Variants in DSG4 observed in about 807,000 individuals in gnomAD.
The protein encoded by DSG4 is desmoglein-4.
In DSG4, 87 loss-of-function variants were observed where a neutral mutation model predicts 93.1. The ratio of observed to expected loss-of-function variants is 0.93; its 90% CI spans 0.79 to 1.12. The LOEUF (loss-of-function observed/expected upper bound fraction) is 1.12, where lower values mean the gene tolerates loss of function less well. DSG4 is among the 50% of genes most tolerant of loss of function. The pLI, the probability that DSG4 is intolerant of heterozygous loss-of-function variation, is 0.00. For synonymous variants in DSG4, 432 were observed against 452.9 expected (o/e 0.95, Z 0.59); for missense variants, 1,373 against 1,285.7 (o/e 1.07, Z -1.04).
chr18:31,384,693 ATAT>A (rs2072168645), intron 1 of DSG4, among the ~76,000 whole-genome samples: 1 of 152,148 alleles, frequency 6.6e-6, no homozygotes, highest in Non-Finnish European at 1.5e-5. Context: ...TCCAGCAAAA[ATAT>A]TATTGACCGT....
intron 11 of DSG4, among the ~76,000 whole-genome samples, chr18:31,404,780 T>C (rs2144206387): frequency 6.6e-6 from 1 of 152,342 alleles, no homozygotes; most frequent in South Asian, 2.1e-4. Flanking sequence ...CAACTCTGAA[T>C]TCACCATCTC....
chr18:31,393,176 G>A (rs2072268031), intron 8 of DSG4, among the ~76,000 whole-genome samples: 1 of 152,064 alleles, frequency 6.6e-6, no homozygotes, highest in Non-Finnish European at 1.5e-5. Context: ...AACACTTATA[G>A]CCAGGAAAAT....
At chr18:31,398,591 T>C (rs2072330044) in intron 8 of DSG4, among the ~76,000 whole-genome samples, 1 of 152,232 alleles carries the variant, frequency 6.6e-6, no homozygotes, top group African/African-American at 2.4e-5. Flanking sequence ...TACTTTTTCA[T>C]TGTGACTTTT....
In DSG4 at chr18:31,399,438, C is replaced by T; in HGVS notation, c.1172C>T (p.Ala391Val). ...EGPAFHPSTM[A>V]FSVREGIKGS... ...CCTGCATTTCATCCAAGTACTATGG[C>T]TTTTAGTGTGCGGGAAGGAATAAAA... The change falls in exon 9 of 16, where the codon GCT (alanine) becomes GTT (valine). Residue 391 changes from alanine (A) to valine (V), a missense_variant. Coordinates refer to ENST00000308128, the MANE Select transcript of DSG4 (RefSeq NM_177986.5). The T allele has an allele frequency of 6.2e-7, 1 of 1,614,050 alleles. No individual in the cohort carries two copies. The highest frequency in any genetic ancestry group is 8.5e-7 in the Non-Finnish European group (1 of 1,179,960).
intron 1 of DSG4, among the ~76,000 whole-genome samples, chr18:31,380,306 C>A (rs1157324655): frequency 6.6e-6 from 1 of 152,102 alleles, no homozygotes; most frequent in Admixed American, 6.6e-5. Context: ...CTTCTGGATC[C>A]TGAGTACGTA....
At chr18:31,388,247 G>T in intron 3 of DSG4, 120 bp from the exon 4 acceptor site, 1 of 1,116,304 alleles carries the variant, frequency 9.0e-7, no homozygotes, top group Non-Finnish European at 1.3e-6. Flanking sequence ...ACTAAGTCAT[G>T]GTGTCAGGTT....
At chr18:31,398,588 T>C (rs1002005876) in intron 8 of DSG4, among the ~76,000 whole-genome samples, 2 of 152,220 alleles carry the variant, frequency 1.3e-5, no homozygotes, top group African/African-American at 4.8e-5. Context: ...AACTACTTTT[T>C]CATTGTGACT....
At chr18:31,407,074 C>T (rs2144211102) in intron 12 of DSG4, among the ~76,000 whole-genome samples, 1 of 152,200 alleles carries the variant, frequency 6.6e-6, no homozygotes, top group East Asian at 1.9e-4. Context: ...CTGCACCCTG[C>T]TGAGGATTTC....
Position 31,406,221 on chromosome 18 carries a change from T to A in DSG4, c.1781T>A (p.Met594Lys). 5 of 1,614,182 alleles carry A rather than the reference T, an allele frequency of 3.1e-6. No individual in the cohort carries two copies. Among genetic ancestry groups the A allele is most frequent in the Non-Finnish European group, 4.2e-6 (5 of 1,180,046 alleles). Reference protein sequence around the residue: ...LYACDCDDNHMCLDSGAAGIY... With the variant: ...LYACDCDDNHKCLDSGAAGIY... Reference sequence around the variant, plus strand: ...GCCTGTGATTGCGATGACAACCACATGTGCCTGGACTCTGGTGCCGCGGGC... The same window carrying A: ...GCCTGTGATTGCGATGACAACCACAAGTGCCTGGACTCTGGTGCCGCGGGC... Residue 594 changes from methionine (M) to lysine (K), a missense_variant, in exon 12 of 16, where the codon ATG becomes AAG. Coordinates refer to ENST00000308128, the MANE Select transcript of DSG4 (RefSeq NM_177986.5).
At chr18:31,377,761 G>C (rs1248189455) in intron 1 of DSG4, among the ~76,000 whole-genome samples, 1 of 152,068 alleles carries the variant, frequency 6.6e-6, no homozygotes, top group Non-Finnish European at 1.5e-5. Context: ...ATTCTGGGAG[G>C]GTAAGAGGAC....
At chr18:31,407,614 C>A (rs2072441988) in intron 12 of DSG4, among the ~76,000 whole-genome samples, 1 of 152,142 alleles carries the variant, frequency 6.6e-6, no homozygotes, top group African/African-American at 2.4e-5. Context: ...TTGCTGTTTT[C>A]AGGGATGAGC....
Position 31,399,287 on chromosome 18 carries a change from C to G in DSG4, c.1021C>G (p.Gln341Glu), listed in dbSNP as rs757089004. ...LKVVKMLDYE[Q>E]APNIQLSIGV... is the part of the protein sequence containing the mutation. ...TTCATTTCAGATGCTGGATTATGAA[C>G]AAGCACCTAACATTCAGCTTAGTAT... The change falls in exon 9 of 16, where the codon CAA becomes GAA. Residue 341 changes from glutamine (Q) to glutamate (E), a missense_variant. Coordinates refer to ENST00000308128, the MANE Select transcript of DSG4 (RefSeq NM_177986.5). The G allele has an allele frequency of 9.3e-6, 15 of 1,613,706 alleles. No individual in the cohort carries two copies. The African/African-American group carries it at 1.9e-4, about 20-fold the overall frequency.
chr18:31,388,450 C>G lies in DSG4; in HGVS notation c.300C>G (p.Phe100Leu). The G allele has an allele frequency of 3.1e-6, 5 of 1,613,534 alleles. No homozygotes were observed. Among genetic ancestry groups the G allele is most frequent in the Non-Finnish European group, 4.2e-6 (5 of 1,179,640 alleles). Residue 100 changes from phenylalanine to leucine, a missense_variant, in exon 4 of 16, where the codon TTC becomes TTG. Phe to Leu is a conservative substitution (Grantham distance 22). Transcript: ENST00000308128. ...VGIDRPPYGV[F>L]TINPRTGEIN... is the part of the protein sequence containing the mutation. ...TTGATCGACCACCATATGGGGTATTCACCATTAATCCTCGCACTGGGGAAA... is the reference window on the plus strand; with the variant it reads ...TTGATCGACCACCATATGGGGTATTGACCATTAATCCTCGCACTGGGGAAA...
chr18:31,389,937 T>C (rs1226940689), intron 5 of DSG4, among the ~76,000 whole-genome samples: 1 of 151,920 alleles, frequency 6.6e-6, no homozygotes. Context: ...AAAACAACAC[T>C]GGTGAAGGAA....
chr18:31,399,065 T>C (rs2072335263), intron 8 of DSG4, among the ~76,000 whole-genome samples: 1 of 152,212 alleles, frequency 6.6e-6, no homozygotes. Flanking sequence ...TTAAATAATC[T>C]ACATAGCTGA....
rs1330945536 is a variant in DSG4, at chr18:31,386,719, C to CA, written c.120dup (p.Trp41MetfsTer53). Reference sequence around the variant, plus strand: ...GAATTTGACATTGAAAATGGCACTACAAAATGGCAAACAGTCAGAAGACAA... The same window carrying CA: ...GAATTTGACATTGAAAATGGCACTACAAAAATGGCAAACAGTCAGAAGACAA... On this transcript the variant is annotated frameshift_variant, in exon 3 of 16. Coordinates refer to ENST00000308128, the MANE Select transcript of DSG4 (RefSeq NM_177986.5). LOFTEE classifies it high-confidence loss of function. The CA allele has an allele frequency of 6.2e-7, 1 of 1,613,362 alleles. No individual in the cohort carries two copies. The highest frequency in any genetic ancestry group is 8.5e-7 in the Non-Finnish European group (1 of 1,179,420).
rs147643313 is a variant in DSG4, at chr18:31,406,215, A to G, written c.1775A>G (p.Asn592Ser). The G allele has an allele frequency of 5.0e-6, 8 of 1,614,070 alleles. No individual in the cohort carries two copies. Among genetic ancestry groups the G allele is most frequent in the Non-Finnish European group, 5.9e-6 (7 of 1,180,034 alleles). Reference protein sequence around the residue: ...VQLYACDCDDNHMCLDSGAAG... With the variant: ...VQLYACDCDDSHMCLDSGAAG... ...TTATATGCCTGTGATTGCGATGACA[A>G]CCACATGTGCCTGGACTCTGGTGCC... Residue 592 changes from asparagine to serine, a missense_variant, in exon 12 of 16, where the codon AAC (asparagine) becomes AGC (serine). By Grantham distance (46) the Asn-to-Ser change is conservative. Coordinates refer to ENST00000308128, the MANE Select transcript of DSG4 (RefSeq NM_177986.5).
chr18:31,413,673 A>G lies in DSG4; in HGVS notation c.*78A>G. The G allele has an allele frequency of 6.6e-7, 1 of 1,516,534 alleles. No individual in the cohort carries two copies. Among genetic ancestry groups the G allele is most frequent in the South Asian group, 1.1e-5 (1 of 88,184 alleles). The allele number at this position is 1,516,534 out of a possible 1,614,324, so 93.9% of individuals were successfully genotyped here. On this transcript the variant is annotated 3_prime_UTR_variant, in exon 16 of 16. Coordinates refer to ENST00000308128, the MANE Select transcript of DSG4 (RefSeq NM_177986.5). ...TACATCCACCAAAAATATATAATGT[A>G]CCATATATATTAATAGTCAACAAAT...
chr18:31,398,493 C>T (rs1292605194), intron 8 of DSG4, among the ~76,000 whole-genome samples: 1 of 152,218 alleles, frequency 6.6e-6, no homozygotes, highest in East Asian at 1.9e-4. Context: ...GATATCTTGA[C>T]TTCTGCTGTT....
Sources: allele counts gnomAD v4.1 joint callset (sites outside exome capture counted in the v4.1 genomes callset), GRCh38; gene constraint gnomAD v4.1.1; transcripts MANE v1.5; gene names NCBI Gene and HGNC (gene_info 2026-07-23, HGNC 2026-07-21).